FBXO34: variants seen among roughly 807,000 people sequenced by gnomAD.
FBXO34 encodes F-box only protein 34.
In FBXO34, 12 loss-of-function variants were observed where a neutral mutation model predicts 24.5. The ratio of observed to expected loss-of-function variants is 0.49; its 90% CI spans 0.31 to 0.79. The LOEUF (loss-of-function observed/expected upper bound fraction) is 0.79, where lower values mean the gene tolerates loss of function less well. Ranked by LOEUF, FBXO34 falls within the 30% of genes least tolerant of loss-of-function variation. FBXO34 has a pLI of 0.04. For missense variants in FBXO34, 823 were observed against 857.7 expected (o/e 0.96, Z 0.51); for synonymous variants, 320 against 311.9 (o/e 1.03, Z -0.27).
chr14:55,404,802 T>G, the FBXO34 span, among the ~76,000 whole-genome samples: 4 of 152,036 alleles, frequency 2.6e-5, no homozygotes, highest in Admixed American at 2.0e-4. Flanking sequence ...ACATGCAGAG[T>G]ATAAAAATAT....
chr14:55,424,521 T>C, the FBXO34 span, among the ~76,000 whole-genome samples: 2 of 152,240 alleles, frequency 1.3e-5, no homozygotes, highest in African/African-American at 4.8e-5. Context: ...TTAGGGCATC[T>C]GATTTAGTGT....
intron 1 of FBXO34, among the ~76,000 whole-genome samples, chr14:55,327,401 G>A (rs968080347): frequency 1.3e-5 from 2 of 152,180 alleles, no homozygotes; most frequent in African/African-American, 4.8e-5. Context: ...CTCTGCCTGC[G>A]GAGTTTGAGA....
chr14:55,386,243 T>C, the FBXO34 span: 1 of 651,200 alleles, frequency 1.5e-6, no homozygotes, highest in South Asian at 2.2e-5. Context: ...AAGTGGAAAA[T>C]TTGAGAGTTT....
At chr14:55,439,613 A>ACCCCCCCCCC in the FBXO34 span, among the ~76,000 whole-genome samples, 115 of 47,920 alleles carry the variant, frequency 2.4e-3, 17 homozygotes, top group East Asian at 6.6e-3. Flanking sequence ...GAGAAAAGCA[A>ACCCCCCCCCC]ACCCCCCCCC....
chr14:55,384,729 C>T, the FBXO34 span, among the ~76,000 whole-genome samples: 3 of 152,154 alleles, frequency 2.0e-5, no homozygotes, highest in Admixed American at 6.5e-5. Context: ...GTCCAGTGAA[C>T]GTCAGTTTCC....
At chr14:55,402,970 A>ATATATATATAT in the FBXO34 span, among the ~76,000 whole-genome samples, 66 of 69,462 alleles carry the variant, frequency 9.5e-4, 1 homozygote, top group Non-Finnish European at 1.7e-3. Flanking sequence ...TATATATATA[A>ATATATATATAT]ATAGCTGGGC....
chr14:55,281,503 A>T (rs1331215034), intron 1 of FBXO34, among the ~76,000 whole-genome samples: 1 of 152,190 alleles, frequency 6.6e-6, no homozygotes, highest in Non-Finnish European at 1.5e-5. Context: ...TTACTCTCCA[A>T]ATGAGAACCT....
chr14:55,429,766 C>CAAAAAAAAAAAA, the FBXO34 span, among the ~76,000 whole-genome samples: 19 of 52,376 alleles, frequency 3.6e-4, no homozygotes, highest in African/African-American at 3.7e-4. Context: ...AACTCCGTCT[C>CAAAAAAAAAAAA]AAAAAAAAAA....
the FBXO34 span, chr14:55,424,092 AAAG>A: frequency 1.3e-5 from 15 of 1,130,218 alleles, no homozygotes; most frequent in East Asian, 3.3e-4. Context: ...AAGGTATTTA[AAAG>A]AATAAGCAAA....
chr14:55,388,362 G>C, the FBXO34 span, among the ~76,000 whole-genome samples: 1 of 152,138 alleles, frequency 6.6e-6, no homozygotes, highest in African/African-American at 2.4e-5. Context: ...GCAGGTGGCA[G>C]GAAATCATCA....
chr14:55,379,758 G>A, the FBXO34 span, among the ~76,000 whole-genome samples: 1 of 152,142 alleles, frequency 6.6e-6, no homozygotes, highest in African/African-American at 2.4e-5. Flanking sequence ...GTCTCATTCC[G>A]TCACTCAGGC....
Position 55,310,801 on chromosome 14 carries a change from A to G in FBXO34, c.-11+39264A>G, listed in dbSNP as rs375824097. Among the ~76,000 whole-genome samples, 9 of 152,312 alleles carry G rather than the reference A, an allele frequency of 5.9e-5. 1 individual carries two copies. The highest frequency in any genetic ancestry group is 1.7e-4 in the African/African-American group (7 of 41,560). On this transcript the variant is annotated intron_variant, in intron 1 of 1. Transcript: ENST00000313833. ...ATTGCCTCAATTCTCTTTGCTAAGC[A>G]AATTTCTTAAACATCCTATGATGAC...
chr14:55,366,216 C>A (rs972551433), downstream of FBXO34, among the ~76,000 whole-genome samples: 10 of 152,076 alleles, frequency 6.6e-5, no homozygotes, highest in Non-Finnish European at 1.3e-4. Context: ...TTGTTAATAC[C>A]ACCATAATCC....
At position 55,351,838 on chromosome 14, in the gene FBXO34, T is replaced by C; in HGVS notation, c.1448T>C (p.Phe483Ser). 1.9e-6 allele frequency: 3 copies of C among 1,614,192 alleles called. No homozygotes were observed. Among genetic ancestry groups the C allele is most frequent in the Non-Finnish European group, 2.5e-6 (3 of 1,180,026 alleles). The change falls in exon 2 of 2, where the codon TTT becomes TCT. Residue 483 changes from phenylalanine to serine, a missense_variant. This residue lies in a region of FBXO34 where 693 missense variants were observed against 659.1 expected (regional missense o/e 1.05). Transcript: ENST00000313833. ...GAAGACCCAGTTCCAGGGATGTTGT[T>C]TTTTTTGCCACCTGGTCAGCACTTG... is the stretch of plus-strand genomic sequence containing the variant. ...SCEDPVPGML[F>S]FLPPGQHLSD...
chr14:55,367,754 AAAG>A (rs1032394410), exon 3 of FBXO34: 1 of 152,230 alleles, frequency 6.6e-6, no homozygotes, highest in Middle Eastern at 3.4e-3. Flanking sequence ...CAAAAAAAAA[AAAG>A]ACCACCCACA....
the FBXO34 span, among the ~76,000 whole-genome samples, chr14:55,418,970 A>C: frequency 6.6e-6 from 1 of 152,246 alleles, no homozygotes; most frequent in Non-Finnish European, 1.5e-5. Flanking sequence ...AAACTCACCA[A>C]GGCCACACAG....
intron 3 of FBXO34, among the ~76,000 whole-genome samples, chr14:55,359,591 G>A (rs1369811862): frequency 6.6e-6 from 1 of 152,228 alleles, no homozygotes; most frequent in Non-Finnish European, 1.5e-5. Flanking sequence ...CGACTGATCA[G>A]AGTTGGTGGC....
the FBXO34 span, chr14:55,395,979 C>T: frequency 1.3e-6 from 2 of 1,586,668 alleles, no homozygotes; most frequent in African/African-American, 1.4e-5. Context: ...TAGCTTTTAA[C>T]ACTCTGTGAG....
intron 1 of FBXO34, among the ~76,000 whole-genome samples, chr14:55,312,518 C>T (rs148610335): frequency 0.013 from 1,909 of 152,294 alleles, 50 homozygotes; most frequent in African/African-American, 0.042. Context: ...ATTTCCCTTC[C>T]GCACTGCCCT....
Sources: gnomAD v4.1 joint callset for allele counts (sites outside exome capture counted in the v4.1 genomes callset) on GRCh38, gnomAD v4.1.1 for gene constraint, gnomAD v4.1.1 regional missense constraint, MANE v1.5 for transcripts, NCBI Gene and HGNC (gene_info 2026-07-23, HGNC 2026-07-21) for gene names.